The following ABLIM2 variants were observed in gnomAD, a reference collection of about 807,000 sequenced individuals.
ABLIM2 encodes the protein actin-binding LIM protein 2.
ABLIM2 carries 53 observed loss-of-function variants against 97.7 expected under a neutral mutation model. That is an observed-to-expected ratio of 0.54 (90% CI 0.44 to 0.68). The LOEUF (loss-of-function observed/expected upper bound fraction) is 0.68, where lower values mean the gene tolerates loss of function less well. Among genes scored for constraint, ABLIM2 ranks in the 30% least tolerant of loss-of-function variants. The pLI is 0.00. For missense variants in ABLIM2, 835 were observed against 867.2 expected (o/e 0.96, Z 0.47); for synonymous variants, 361 against 345.8 (o/e 1.04, Z -0.49).
At chr4:7,982,512 T>C (rs1422754097) in intron 20 of ABLIM2, among the ~76,000 whole-genome samples, 1 of 152,232 alleles carries the variant, frequency 6.6e-6, no homozygotes, top group Non-Finnish European at 1.5e-5. Flanking sequence ...CTCAACTAAG[T>C]CAGTTCTCTC....
Position 8,054,905 on chromosome 4 carries a change from T to C in ABLIM2, c.764-659A>G, listed in dbSNP as rs1252815778. Among the ~76,000 whole-genome samples, 4 of 152,110 alleles carry C rather than the reference T, an allele frequency of 2.6e-5. No homozygotes were observed. Among genetic ancestry groups the C allele is most frequent in the Non-Finnish European group, 4.4e-5 (3 of 68,010 alleles). ...GTGGCTTCTTGTGTCTCAGTTTCTC[T>C]AGCTGTCAGTTCTGCCCAGTCACCC... is the stretch of plus-strand genomic sequence containing the variant. On this transcript the variant is annotated intron_variant, in intron 7 of 20. Coordinates refer to ENST00000447017, the MANE Select transcript of ABLIM2 (RefSeq NM_001130083.2). The surrounding 1 kb of genome is among the most constrained non-coding windows in gnomAD (Gnocchi z 4.9).
chr4:8,010,722 C>G, intron 14 of ABLIM2: 1 of 493,216 alleles, frequency 2.0e-6, no homozygotes, highest in Non-Finnish European at 2.6e-6. Context: ...CAACGCCAAG[C>G]CTGCTCAAGA....
In ABLIM2 at chr4:8,122,787, G is replaced by A. The variant is rs892117872; in HGVS notation, c.11-16150C>T. Among the ~76,000 whole-genome samples, 4 of 152,088 alleles carry A rather than the reference G, an allele frequency of 2.6e-5. No homozygotes were observed. Among genetic ancestry groups the A allele is most frequent in the Admixed American group, 6.5e-5 (1 of 15,274 alleles). On this transcript the variant is annotated intron_variant, in intron 1 of 20. Coordinates refer to ENST00000447017, the MANE Select transcript of ABLIM2 (RefSeq NM_001130083.2). This position sits in a 1 kb window ranked among gnomAD's most constrained non-coding sequence, Gnocchi z 4.1. ...GACCTGTCCTCTCTTCACCATTTAC[G>A]GATGGGCAAACAGAGGTTCCAAGCA...
Position 8,087,269 on chromosome 4 carries a change from G to A in ABLIM2, c.454+900C>T, listed in dbSNP as rs1446823468. Among the ~76,000 whole-genome samples, 1 of 152,178 alleles carries A rather than the reference G, an allele frequency of 6.6e-6. No individual in the cohort carries two copies. The highest frequency in any genetic ancestry group is 2.4e-5 in the African/African-American group (1 of 41,438). ...TGGGCTTCCCTCCCAGAGCCTGTGT[G>A]CCATCTCATGATCCGGCAGAGCCAC... is the stretch of plus-strand genomic sequence containing the variant. On this transcript the variant is annotated intron_variant, in intron 4 of 20. Coordinates refer to ENST00000447017, the MANE Select transcript of ABLIM2 (RefSeq NM_001130083.2). This position sits in a 1 kb window ranked among gnomAD's most constrained non-coding sequence, Gnocchi z 4.6.
intron 8 of ABLIM2, among the ~76,000 whole-genome samples, chr4:8,050,548 G>C (rs959227660): frequency 6.6e-6 from 1 of 152,206 alleles, no homozygotes; most frequent in African/African-American, 2.4e-5. Context: ...CTCTTGACTA[G>C]CAGGTAGCAC....
chr4:8,073,171 G>C (rs1057425453), intron 6 of ABLIM2, among the ~76,000 whole-genome samples: 2 of 151,572 alleles, frequency 1.3e-5, no homozygotes, highest in Non-Finnish European at 2.9e-5. Context: ...ACGGCAGAGG[G>C]GGCGATGGCC....
intron 1 of ABLIM2, among the ~76,000 whole-genome samples, chr4:8,118,932 T>C (rs1475935016): frequency 1.3e-5 from 2 of 152,330 alleles, no homozygotes; most frequent in South Asian, 4.1e-4. Context: ...GTCCTTATTT[T>C]ACAGACGCAA....
At chr4:8,052,322 G>A (rs1037270091) in intron 8 of ABLIM2, among the ~76,000 whole-genome samples, 1 of 152,112 alleles carries the variant, frequency 6.6e-6, no homozygotes, top group African/African-American at 2.4e-5. Context: ...TGGTCACTTC[G>A]GAGTCACACA....
chr4:8,157,670 G>T (rs1481449072), intron 1 of ABLIM2, among the ~76,000 whole-genome samples: 1 of 152,242 alleles, frequency 6.6e-6, no homozygotes, highest in East Asian at 1.9e-4. Flanking sequence ...CAGGGGAAGC[G>T]GCTGTCCCCA....
Position 8,054,380 on chromosome 4 carries a change from G to C in ABLIM2, c.764-134C>G. ...GACTCCACCCTCCAAGCGGCCCTGA[G>C]CATCCTCTCTGTGCTGGAGTTAGTG... On this transcript the variant is annotated intron_variant, in intron 7 of 20. Coordinates refer to ENST00000447017, the MANE Select transcript of ABLIM2 (RefSeq NM_001130083.2). The surrounding 1 kb of genome is among the most constrained non-coding windows in gnomAD (Gnocchi z 4.9). 1.1e-6 allele frequency: 1 copy of C among 917,296 alleles called. No individual in the cohort carries two copies. The highest frequency in any genetic ancestry group is 2.0e-5 in the Admixed American group (1 of 49,200). 56.8% of individuals were successfully genotyped at this position (917,296 alleles called of 1,614,324 possible).
intron 18 of ABLIM2, among the ~76,000 whole-genome samples, chr4:7,983,871 C>T (rs1741115538): frequency 6.6e-6 from 1 of 152,250 alleles, no homozygotes; most frequent in Non-Finnish European, 1.5e-5. Context: ...AGAAAGATGC[C>T]AGCCTCAGTT....
intron 2 of ABLIM2, among the ~76,000 whole-genome samples, chr4:8,101,264 G>A (rs1490790186): frequency 6.6e-6 from 1 of 152,226 alleles, no homozygotes. Context: ...TGAATAACAG[G>A]GGGATGAGGC....
At chr4:7,979,767 T>G (rs1736538666) in intron 20 of ABLIM2, among the ~76,000 whole-genome samples, 1 of 152,238 alleles carries the variant, frequency 6.6e-6, no homozygotes, top group Non-Finnish European at 1.5e-5. Flanking sequence ...GCAGCCCTGT[T>G]AGCCCAGGCA....
chr4:8,063,743 G>A (rs1049643447), intron 6 of ABLIM2, among the ~76,000 whole-genome samples: 1 of 152,226 alleles, frequency 6.6e-6, no homozygotes, highest in African/African-American at 2.4e-5. Context: ...TTGAATGTTT[G>A]TCCCTGTTAG....
At chr4:8,110,321 G>A (rs572546555) in intron 1 of ABLIM2, among the ~76,000 whole-genome samples, 70 of 152,344 alleles carry the variant, frequency 4.6e-4, no homozygotes, top group African/African-American at 1.6e-3. Flanking sequence ...CCTGAGGGAA[G>A]TGTCAGCTTC....
intron 6 of ABLIM2, among the ~76,000 whole-genome samples, chr4:8,073,163 G>C (rs1276515492): frequency 4.0e-5 from 6 of 151,572 alleles, no homozygotes; most frequent in African/African-American, 1.5e-4. Flanking sequence ...GATCAAGCAC[G>C]GCAGAGGGGG....
At position 8,091,359 on chromosome 4, in the gene ABLIM2, ATATAT is replaced by A. The variant is rs1356585998; in HGVS notation, c.339-3080_339-3076del. ...ATATATAATATATATATAATTATATATATATTATATTACATATAATTATATTATAT... is the reference window on the plus strand; with the variant it reads ...ATATATAATATATATATAATTATATATATATTACATATAATTATATTATAT... On this transcript the variant is annotated intron_variant, in intron 3 of 20. Coordinates refer to ENST00000447017, the MANE Select transcript of ABLIM2 (RefSeq NM_001130083.2). Among the ~76,000 whole-genome samples the A allele has an allele frequency of 1.8e-3, 89 of 49,164 alleles. 10 individuals carry two copies. Among genetic ancestry groups the A allele is most frequent in the Middle Eastern group, 9.3e-3 (1 of 108 alleles). The allele number at this position is 49,164 out of a possible 152,430, so 32.3% of individuals were successfully genotyped here. A position where few individuals can be genotyped will look rare whatever the true frequency, so the allele number is the denominator to read the frequency against.
chr4:7,985,540 C>A (rs1050155788), intron 17 of ABLIM2, among the ~76,000 whole-genome samples: 2 of 152,178 alleles, frequency 1.3e-5, no homozygotes, highest in African/African-American at 4.8e-5. Context: ...CCATCCACCC[C>A]AAATGCTCCA....
chr4:8,108,864 C>T (rs968400416), intron 1 of ABLIM2, among the ~76,000 whole-genome samples: 5 of 152,248 alleles, frequency 3.3e-5, no homozygotes, highest in African/African-American at 9.6e-5. Context: ...CTAACGCCAG[C>T]TCCCCCTGTC....
Sources: allele counts gnomAD v4.1 joint callset (sites outside exome capture counted in the v4.1 genomes callset), GRCh38; gene constraint gnomAD v4.1.1; non-coding constraint Gnocchi (gnomAD v3.1); transcripts MANE v1.5; gene names NCBI Gene and HGNC (gene_info 2026-07-23, HGNC 2026-07-21).